CANT1: variants seen among roughly 807,000 people sequenced by gnomAD.
The protein encoded by CANT1 is soluble calcium-activated nucleotidase 1.
A neutral mutation model predicts 30.0 loss-of-function variants in CANT1; 26 were observed. That is an observed-to-expected ratio of 0.87 (90% CI 0.64 to 1.20). The LOEUF (loss-of-function observed/expected upper bound fraction) is 1.20. CANT1 is among the 50% of genes most tolerant of loss of function. The pLI is 0.00. For synonymous variants in CANT1, 246 were observed against 251.8 expected, an observed-to-expected ratio of 0.98 and a Z score of 0.22; for missense variants, 518 against 563.0, an observed-to-expected ratio of 0.92 and a Z score of 0.81.
rs1167375107 is a variant in CANT1, at chr17:78,993,940, G to C, written c.836-20C>G. 1 of 1,557,688 alleles carries C rather than the reference G, an allele frequency of 6.4e-7. No individual in the cohort carries two copies. Among genetic ancestry groups the C allele is most frequent in the African/African-American group, 1.4e-5 (1 of 73,752 alleles). On this transcript the variant is annotated intron_variant, in intron 4 of 4. Coordinates refer to ENST00000392446, the MANE Select transcript of CANT1 (RefSeq NM_001159773.2). The surrounding 1 kb of genome is among the most constrained non-coding windows in gnomAD (Gnocchi z 4.5). ...GGTAGCCTGGGAACCGGGTGACCGC[G>C]GGTCAGACACGCATGCGGCCTGGTG...
rs898343872 is a variant in CANT1 at position 78,995,384 on chromosome 17, G to A, written c.632-163C>T. 5 of 719,578 alleles carry A rather than the reference G, an allele frequency of 6.9e-6. No individual in the cohort carries two copies. The highest frequency in any genetic ancestry group is 3.8e-4 in the Middle Eastern group (1 of 2,616). 44.6% of individuals were successfully genotyped at this position (719,578 alleles called of 1,614,324 possible). A position where few individuals can be genotyped will look rare whatever the true frequency, so the allele number is the denominator to read the frequency against. ...CCGCACCTGGCTCCCGCCCAGGGCCGGCCGGCTGCCCTCCCCTCAGCTCCT... is the reference window on the plus strand; with the variant it reads ...CCGCACCTGGCTCCCGCCCAGGGCCAGCCGGCTGCCCTCCCCTCAGCTCCT... On this transcript the variant is annotated intron_variant, in intron 3 of 4. Transcript: ENST00000392446. This position sits in a 1 kb window ranked among gnomAD's most constrained non-coding sequence, Gnocchi z 5.7.
rs369606706 is a variant in CANT1, at chr17:78,997,637, G to A, written c.-15C>T. 1.9e-5 allele frequency: 30 copies of A among 1,558,064 alleles called. No homozygotes were observed. The highest frequency in any genetic ancestry group is 3.4e-4 in the Middle Eastern group (2 of 5,828). ...TGCACGGGCATCAGCGTGACAGACA[G>A]GCGGGACCTGCACAGCCAGGGAGGG... On this transcript the variant is annotated 5_prime_UTR_variant, in exon 3 of 5. Transcript: ENST00000392446. The surrounding 1 kb of genome is among the most constrained non-coding windows in gnomAD (Gnocchi z 7.5).
At chr17:79,003,118 A>G (rs1599240439) in intron 1 of CANT1, among the ~76,000 whole-genome samples, 1 of 151,286 alleles carries the variant, frequency 6.6e-6, no homozygotes, top group South Asian at 2.2e-4. Context: ...CCTCGAGGTC[A>G]CGCTGATTCC....
In CANT1 at chr17:79,009,392, G is replaced by A. The variant is rs990328781; in HGVS notation, c.-147+272C>T. Among the ~76,000 whole-genome samples, 10 of 152,180 alleles carry A rather than the reference G, an allele frequency of 6.6e-5. No homozygotes were observed. In the East Asian group the frequency reaches 1.9e-3, roughly 29 times the overall value. ...CTAACCAGAGGGTAATGGTCCCCAC[G>A]CTAGTCCCAGGGATGAGGTGTCCCA... On this transcript the variant is annotated intron_variant, in intron 1 of 4. Coordinates refer to ENST00000392446, the MANE Select transcript of CANT1 (RefSeq NM_001159773.2).
In CANT1 at chr17:78,996,916, G is replaced by A; in HGVS notation, c.631+76C>T. On this transcript the variant is annotated intron_variant, in intron 3 of 4. Transcript: ENST00000392446. The surrounding 1 kb of genome is among the most constrained non-coding windows in gnomAD (Gnocchi z 5.1). ...TCTAGGTGTGTGAATTCTTTACCAT[G>A]TGCCTGTGTTTGCCAGCCAGGCCCT... The A allele has an allele frequency of 1.3e-6, 2 of 1,585,472 alleles. No homozygotes were observed. Among genetic ancestry groups the A allele is most frequent in the Non-Finnish European group, 1.7e-6 (2 of 1,162,356 alleles).
At chr17:78,994,874 C>T (rs1398151345) in intron 4 of CANT1, 144 bp downstream of exon 4, 18 of 851,726 alleles carry the variant, frequency 2.1e-5, no homozygotes, top group African/African-American at 5.0e-5. Context: ...GAGCTGAGAT[C>T]GTGCCACTGC....
In CANT1 at chr17:79,008,189, T is replaced by G. The variant is rs533049069; in HGVS notation, c.-147+1475A>C. The G allele has an allele frequency of 3.3e-5, 5 of 152,286 alleles. No homozygotes were observed. Among genetic ancestry groups the G allele is most frequent in the Admixed American group, 2.6e-4 (4 of 15,280 alleles). 9.4% of individuals were successfully genotyped at this position (152,286 alleles called of 1,614,324 possible). On this transcript the variant is annotated intron_variant, in intron 1 of 4. Coordinates refer to ENST00000392446, the MANE Select transcript of CANT1 (RefSeq NM_001159773.2). This position sits in a 1 kb window ranked among gnomAD's most constrained non-coding sequence, Gnocchi z 4.4. The stretch of plus-strand genomic sequence containing the variant: ...GGCGTGTGCTAGGATAGAGGGCTCA[T>G]TGAGGCCAGCAGGGAGGAGCACCTG...
In CANT1 at chr17:78,995,043, C is replaced by G. The variant is rs761047285; in HGVS notation, c.810G>C (p.Arg270=). The G allele has an allele frequency of 5.0e-6, 8 of 1,587,412 alleles. No individual in the cohort carries two copies. The highest frequency in any genetic ancestry group is 6.9e-6 in the Non-Finnish European group (8 of 1,167,084). ...CTGGCGGCTGGATGCCGGCAGCAGC[C>G]CGCAGGGCGTTGTAGTTGGACACCC... The part of the protein sequence containing the change: ...ENWVSNYNAL[R]AAAGIQPPGY... The change falls in exon 4 of 5, where the codon CGG becomes CGC. Residue 270 remains arginine (R), a synonymous_variant. Coordinates refer to ENST00000392446, the MANE Select transcript of CANT1 (RefSeq NM_001159773.2). This position sits in a 1 kb window ranked among gnomAD's most constrained non-coding sequence, Gnocchi z 5.7.
At chr17:78,999,044 C>G (rs78039739) in intron 1 of CANT1, among the ~76,000 whole-genome samples, 53 of 152,302 alleles carry the variant, frequency 3.5e-4, no homozygotes, top group African/African-American at 1.2e-3. Context: ...GAGACACCCC[C>G]TTCTCCACGC....
chr17:79,005,513 C>T (rs761697094), intron 1 of CANT1: 8 of 152,088 alleles, frequency 5.3e-5, no homozygotes, highest in Non-Finnish European at 8.8e-5. Flanking sequence ...GGTGGCAGAA[C>T]CAGCAGGTTT....
chr17:79,003,038 G>C (rs2071322243), intron 1 of CANT1, among the ~76,000 whole-genome samples: 1 of 152,182 alleles, frequency 6.6e-6, no homozygotes, highest in Admixed American at 6.5e-5. Flanking sequence ...ACGGAGGCAG[G>C]GGCCTTTCCT....
chr17:79,001,934 A>G (rs2071277616), intron 1 of CANT1, among the ~76,000 whole-genome samples: 1 of 151,968 alleles, frequency 6.6e-6, no homozygotes, highest in African/African-American at 2.4e-5. Context: ...CTCAGGAGCC[A>G]TCCCAGGAAG....
rs1445793143 is a variant in CANT1, at chr17:78,993,069, C to G, written c.*481G>C. The G allele has an allele frequency of 3.1e-6, 1 of 327,134 alleles. No individual in the cohort carries two copies. The highest frequency in any genetic ancestry group is 4.8e-5 in the East Asian group (1 of 21,020). 20.3% of individuals were successfully genotyped at this position (327,134 alleles called of 1,614,324 possible). A position where few individuals can be genotyped will look rare whatever the true frequency, so the allele number is the denominator to read the frequency against. On this transcript the variant is annotated 3_prime_UTR_variant, in exon 5 of 5. Coordinates refer to ENST00000392446, the MANE Select transcript of CANT1 (RefSeq NM_001159773.2). This position sits in a 1 kb window ranked among gnomAD's most constrained non-coding sequence, Gnocchi z 4.5. ...CAATACCCTGCAACATAAACATTTT[C>G]TTTTCCAAGGATCTGCAGGGGTGGA...
chr17:79,001,786 C>A (rs909754315), intron 1 of CANT1, among the ~76,000 whole-genome samples: 1 of 152,168 alleles, frequency 6.6e-6, no homozygotes, highest in Non-Finnish European at 1.5e-5. Flanking sequence ...CCACTGACCT[C>A]TCCCAGGGCC....
In CANT1 at chr17:78,997,201, T is replaced by A. The variant is rs147336056; in HGVS notation, c.422A>T (p.Asp141Val). 4.3e-6 allele frequency: 7 copies of A among 1,614,082 alleles called. No individual in the cohort carries two copies. In the African/African-American group the frequency reaches 9.3e-5, roughly 22 times the overall value. The change falls in exon 3 of 5, where the codon GAC (aspartate) becomes GTC (valine). Residue 141 changes from aspartate to valine, a missense_variant. Physicochemically the swap from Asp to Val is radical, Grantham distance 152. Coordinates refer to ENST00000392446, the MANE Select transcript of CANT1 (RefSeq NM_001159773.2). This position sits in a 1 kb window ranked among gnomAD's most constrained non-coding sequence, Gnocchi z 7.5. ...TTTGTCCCATTCCACGGCCACCTTG[T>A]CCCCACTGTCTGACAGGGTCAGGTA... ...KGYLTLSDSGDKVAVEWDKDH... is the reference protein window; with the variant it reads ...KGYLTLSDSGVKVAVEWDKDH...
At chr17:79,001,239 C>T (rs188787716) in intron 1 of CANT1, among the ~76,000 whole-genome samples, 206 of 152,274 alleles carry the variant, frequency 1.4e-3, no homozygotes, top group African/African-American at 3.7e-3. Flanking sequence ...CTCAGCACTC[C>T]GGAGAGCCAC....
chr17:79,000,175 C>G (rs2145844662), intron 1 of CANT1: 2 of 152,322 alleles, frequency 1.3e-5, no homozygotes, highest in East Asian at 3.9e-4. Flanking sequence ...CTACTTGCTC[C>G]TCGTCTCCCC....
chr17:79,006,477 C>T (rs1482072094), intron 1 of CANT1, among the ~76,000 whole-genome samples: 1 of 152,202 alleles, frequency 6.6e-6, no homozygotes, highest in Non-Finnish European at 1.5e-5. Flanking sequence ...ACGTGGACAT[C>T]TCGGGGAGCT....
intron 1 of CANT1, among the ~76,000 whole-genome samples, chr17:79,009,092 CG>C (rs942566539): frequency 1.3e-5 from 2 of 149,562 alleles, no homozygotes; most frequent in Non-Finnish European, 3.0e-5. Context: ...CTAGCCAGAG[CG>C]GGGAGGCGTC....
Sources: gnomAD v4.1 joint callset for allele counts (sites outside exome capture counted in the v4.1 genomes callset) on GRCh38, gnomAD v4.1.1 for gene constraint, Gnocchi (gnomAD v3.1) non-coding constraint, MANE v1.5 for transcripts, NCBI Gene and HGNC (gene_info 2026-07-23, HGNC 2026-07-21) for gene names.